The following NDUFS3 variants were observed in gnomAD, a reference collection of about 807,000 sequenced individuals.
NDUFS3 encodes the protein NADH:ubiquinone oxidoreductase core subunit S3.
A neutral mutation model predicts 30.8 loss-of-function variants in NDUFS3; 19 were observed. The ratio of observed to expected loss-of-function variants is 0.62; its 90% confidence interval spans 0.43 to 0.91. The LOEUF (loss-of-function observed/expected upper bound fraction) is 0.91. NDUFS3 is among the 40% of genes least tolerant of loss of function. The pLI is 0.00. For synonymous variants in NDUFS3, 153 were observed against 135.8 expected, an observed-to-expected ratio of 1.13 and a Z score of -0.88; for missense variants, 331 against 342.0, an observed-to-expected ratio of 0.97 and a Z score of 0.25.
intron 6 of NDUFS3, 80 bp downstream of exon 6, chr11:47,582,548 A>C: frequency 6.2e-7 from 1 of 1,604,274 alleles, no homozygotes; most frequent in Non-Finnish European, 8.5e-7. Context: ...ATGGCAAGAA[A>C]TACGGTCTGT....
At chr11:47,581,297 G>A (rs1052164788) in intron 4 of NDUFS3, 4 of 368,394 alleles carry the variant, frequency 1.1e-5, no homozygotes, top group African/African-American at 8.4e-5. Flanking sequence ...GGGACTACAG[G>A]TGCATGCCAC....
At chr11:47,581,929 A>T in intron 4 of NDUFS3, 159 bp from the exon 5 acceptor site, 4 of 951,918 alleles carry the variant, frequency 4.2e-6, no homozygotes, top group Non-Finnish European at 1.7e-6. Flanking sequence ...GCATGCTGAC[A>T]TGCTAAGCTA....
intron 2 of NDUFS3, among the ~76,000 whole-genome samples, chr11:47,580,290 G>A (rs2097267809): frequency 6.6e-6 from 1 of 152,142 alleles, no homozygotes; most frequent in Non-Finnish European, 1.5e-5. Flanking sequence ...GAGAAGAGGT[G>A]AACACCCCAG....
At chr11:47,579,984 GACACACACAC>G (rs36201718) in intron 2 of NDUFS3, among the ~76,000 whole-genome samples, 4,874 of 139,264 alleles carry the variant, frequency 0.035, 74 homozygotes, top group South Asian at 0.04. Flanking sequence ...TTTTCTCATT[GACACACACAC>G]ACACACACAC....
At chr11:47,581,635 G>A (rs894446722) in intron 4 of NDUFS3, 5 of 268,274 alleles carry the variant, frequency 1.9e-5, no homozygotes, top group Non-Finnish European at 3.6e-5. Flanking sequence ...GCCAGACTCT[G>A]GGATGGAGAG....
In NDUFS3 at chr11:47,580,626, ATACT is replaced by A. The variant is rs2097268154; in HGVS notation, c.231+9_231+12del. Reference sequence around the variant, plus strand: ...CAAGTATGTCCAACAAGTTCAGGTAATACTTACTAATGTTATTTGGGTCTGGGTC... The same window carrying A: ...CAAGTATGTCCAACAAGTTCAGGTAATACTAATGTTATTTGGGTCTGGGTC... On this transcript the variant is annotated splice_donor_5th_base_variant and intron_variant, in intron 3 of 6. Transcript: ENST00000263774. 6.2e-6 allele frequency: 10 copies of A among 1,613,618 alleles called. No individual in the cohort carries two copies. The highest frequency in any genetic ancestry group is 2.2e-5 in the East Asian group (1 of 44,902).
At chr11:47,582,267 TCA>T in intron 5 of NDUFS3, 54 bp downstream of exon 5, 1 of 1,614,256 alleles carries the variant, frequency 6.2e-7, no homozygotes, top group Non-Finnish European at 8.5e-7. Flanking sequence ...CAGAACTGGT[TCA>T]GACTACGGGA....
At chr11:47,582,496 C>T in intron 6 of NDUFS3, 28 bp downstream of exon 6, 1 of 1,613,960 alleles carries the variant, frequency 6.2e-7, no homozygotes, top group South Asian at 1.1e-5. Context: ...GGGACAGCAG[C>T]CTCAGGGAGG....
Position 47,580,901 on chromosome 11 carries a change from C to G in NDUFS3, c.298C>G (p.Leu100Val). ...PDGVIPVLTF[L>V]RDHTNAQFKS... ...TGGCGTCATCCCAGTGCTGACTTTC[C>G]TCAGGGATCACACCAATGCACAGTT... Residue 100 changes from leucine (L) to valine (V), a missense_variant, in exon 4 of 7, where the codon CTC becomes GTC. Coordinates refer to ENST00000263774, the MANE Select transcript of NDUFS3 (RefSeq NM_004551.3). 6.2e-7 allele frequency: 1 copy of G among 1,614,192 alleles called. No homozygotes were observed. Among genetic ancestry groups the G allele is most frequent in the Non-Finnish European group, 8.5e-7 (1 of 1,180,036 alleles).
intron 6 of NDUFS3, among the ~76,000 whole-genome samples, chr11:47,583,702 GCTC>G (rs1433063333): frequency 1.3e-5 from 2 of 152,156 alleles, no homozygotes; most frequent in Non-Finnish European, 2.9e-5. Context: ...TGCTTTGCAT[GCTC>G]CTATTTCCCT....
chr11:47,579,636 TTGAG>T, intron 2 of NDUFS3: 1 of 553,852 alleles, frequency 1.8e-6, no homozygotes, highest in Non-Finnish European at 3.2e-6. Context: ...CTAGCGTTAA[TTGAG>T]TGCTTAATGT....
chr11:47,580,720 T>G (rs781402641), intron 3 of NDUFS3, 98 bp downstream of exon 3: 2 of 1,584,646 alleles, frequency 1.3e-6, no homozygotes, highest in South Asian at 2.2e-5. Flanking sequence ...AACTACAGAT[T>G]CCTCCATCCC....
Position 47,580,602 on chromosome 11 carries a change from A to G in NDUFS3, c.211A>G (p.Lys71Glu). ...FGEYVAEILP[K>E]YVQQVQVSCF... ...AGAGTATGTGGCTGAAATCTTGCCC[A>G]AGTATGTCCAACAAGTTCAGGTAAT... Residue 71 changes from lysine to glutamate, a missense_variant, in exon 3 of 7, where the codon AAG becomes GAG. By Grantham distance (56) the Lys-to-Glu change is moderately conservative. Coordinates refer to ENST00000263774, the MANE Select transcript of NDUFS3 (RefSeq NM_004551.3). 1 of 1,614,164 alleles carries G rather than the reference A, an allele frequency of 6.2e-7. No individual in the cohort carries two copies.
At chr11:47,580,014 CA>C (rs1405592877) in intron 2 of NDUFS3, among the ~76,000 whole-genome samples, 5 of 142,602 alleles carry the variant, frequency 3.5e-5, no homozygotes, top group African/African-American at 1.3e-4. Context: ...CACACACACA[CA>C]CACACACACA....
chr11:47,580,052 G>GACACACACAC (rs5791768), intron 2 of NDUFS3, among the ~76,000 whole-genome samples: 15 of 147,260 alleles, frequency 1.0e-4, no homozygotes, highest in East Asian at 2.0e-4. Flanking sequence ...TTTTCTCATT[G>GACACACACAC]ACACACACAC....
chr11:47,579,292 T>C lies in NDUFS3; in HGVS notation c.91T>C (p.Leu31=), dbSNP rs770306617. Residue 31 remains leucine, a synonymous_variant, in exon 2 of 7, where the codon TTG becomes CTG. Coordinates refer to ENST00000263774, the MANE Select transcript of NDUFS3 (RefSeq NM_004551.3). ...AGGGACTGGGCGACCCTCCGTTCTG[T>C]TGCTGCCGGTGAGGCGGGAGAGCGC... ...TRGTGRPSVL[L]LPVRRESAGA... 116 of 1,614,074 alleles carry C rather than the reference T, an allele frequency of 7.2e-5. No individual in the cohort carries two copies. In the South Asian group the frequency reaches 1.2e-3, roughly 17 times the overall value.
At chr11:47,579,501 G>A in intron 2 of NDUFS3, 167 bp downstream of exon 2, 1 of 739,422 alleles carries the variant, frequency 1.4e-6, no homozygotes, top group Non-Finnish European at 2.3e-6. Flanking sequence ...TGTGCCCTTA[G>A]GCCTGTTATG....
At chr11:47,583,376 C>T (rs1000957197) in intron 6 of NDUFS3, among the ~76,000 whole-genome samples, 7 of 152,006 alleles carry the variant, frequency 4.6e-5, no homozygotes, top group African/African-American at 1.2e-4. Context: ...TTGTAATGAT[C>T]ATTTTAATGA....
intron 4 of NDUFS3, chr11:47,581,617 T>C: frequency 3.9e-6 from 1 of 257,034 alleles, no homozygotes; most frequent in Non-Finnish European, 7.6e-6. Context: ...ACTGATTATC[T>C]ACTGTTTGCC....
Sources: gnomAD v4.1 joint callset for allele counts (sites outside exome capture counted in the v4.1 genomes callset) on GRCh38, gnomAD v4.1.1 for gene constraint, MANE v1.5 for transcripts, NCBI Gene and HGNC (gene_info 2026-07-23, HGNC 2026-07-21) for gene names.